The following NEK10 variants were observed in gnomAD, a reference collection of about 807,000 sequenced individuals.
The protein encoded by NEK10 is NIMA related kinase 10.
Under a neutral mutation model 159.8 loss-of-function variants are expected in NEK10, and 122 were observed. That is an observed-to-expected ratio of 0.76 (90% CI 0.66 to 0.89). The LOEUF (loss-of-function observed/expected upper bound fraction) is 0.89, where lower values mean the gene tolerates loss of function less well. Ranked by LOEUF, NEK10 falls within the 40% of genes least tolerant of loss-of-function variation. The probability of loss-of-function intolerance (pLI) is 0.00; values close to 1 mark genes in which losing one functional copy is unlikely to be tolerated. For missense variants in NEK10, 1,342 were observed against 1,323.1 expected, an observed-to-expected ratio of 1.01 and a Z score of -0.22; for synonymous variants, 466 against 457.1, an observed-to-expected ratio of 1.02 and a Z score of -0.25.
chr3:27,332,865 C>A (rs2046524289), intron 5 of NEK10, among the ~76,000 whole-genome samples: 1 of 152,198 alleles, frequency 6.6e-6, no homozygotes, highest in Non-Finnish European at 1.5e-5. Context: ...AACTCTACTA[C>A]ACACAAATGA....
intron 1 of NEK10, among the ~76,000 whole-genome samples, chr3:27,362,080 G>C (rs1416315045): frequency 6.6e-6 from 1 of 152,148 alleles, no homozygotes; most frequent in East Asian, 1.9e-4. Flanking sequence ...ATGTCCAAAT[G>C]AGATTATAAA....
intron 23 of NEK10, among the ~76,000 whole-genome samples, chr3:27,249,731 ATAAG>A (rs1364328956): frequency 6.6e-6 from 1 of 152,148 alleles, no homozygotes; most frequent in Admixed American, 6.5e-5. Flanking sequence ...GTTATTATTG[ATAAG>A]TAAGAACTTA....
At chr3:27,114,098 G>A (rs1940016368) in intron 35 of NEK10, among the ~76,000 whole-genome samples, 1 of 152,162 alleles carries the variant, frequency 6.6e-6, no homozygotes, top group Admixed American at 6.6e-5. Context: ...AATAGAGCCT[G>A]CTTTGGGAAG....
intron 22 of NEK10, among the ~76,000 whole-genome samples, chr3:27,281,444 G>A (rs1261349924): frequency 1.3e-5 from 2 of 151,858 alleles, no homozygotes; most frequent in African/African-American, 4.8e-5. Flanking sequence ...CATGTATCAA[G>A]AAATAGGCCT....
intron 26 of NEK10, among the ~76,000 whole-genome samples, chr3:27,178,543 C>A (rs539664188): frequency 6.6e-6 from 1 of 152,158 alleles, no homozygotes; most frequent in Non-Finnish European, 1.5e-5. Context: ...TTTAGTGCTA[C>A]CAGGTGCTAG....
chr3:27,197,641 T>A (rs1949673105), intron 25 of NEK10, among the ~76,000 whole-genome samples: 1 of 152,176 alleles, frequency 6.6e-6, no homozygotes, highest in East Asian at 1.9e-4. Context: ...TTCGCTGAAG[T>A]TGTTTATAAG....
At chr3:27,174,616 A>G (rs761440805) in intron 27 of NEK10, 34 bp downstream of exon 27, 1 of 1,598,918 alleles carries the variant, frequency 6.3e-7, no homozygotes, top group Non-Finnish European at 8.5e-7. Flanking sequence ...TGCCACTAGC[A>G]GTACCTACGT....
At chr3:27,226,624 G>C (rs1367106751) in intron 23 of NEK10, among the ~76,000 whole-genome samples, 2 of 152,188 alleles carry the variant, frequency 1.3e-5, no homozygotes, top group Non-Finnish European at 2.9e-5. Context: ...ATAGTGAACA[G>C]AGGCAAATTC....
At chr3:27,231,056 T>C (rs1953205262) in intron 23 of NEK10, among the ~76,000 whole-genome samples, 1 of 152,022 alleles carries the variant, frequency 6.6e-6, no homozygotes, top group African/African-American at 2.4e-5. Flanking sequence ...AACTGCAGAA[T>C]ATACATTCTT....
At chr3:27,266,955 C>T (rs1467645350) in intron 22 of NEK10, among the ~76,000 whole-genome samples, 1 of 152,134 alleles carries the variant, frequency 6.6e-6, no homozygotes, top group African/African-American at 2.4e-5. Flanking sequence ...GCAAGCACCC[C>T]AGCAGACAAC....
rs571994652 is a variant in NEK10 at position 27,290,274 on chromosome 3, C to T, written c.1743+343G>A. 2.6e-5 allele frequency among the ~76,000 whole-genome samples: 4 copies of T among 152,268 alleles called. No individual in the cohort carries two copies. The East Asian group carries it at 7.7e-4, about 29-fold the overall frequency. On this transcript the variant is annotated intron_variant, in intron 19 of 35. Transcript: ENST00000691995. ...TGGCAAAAGTCAAGAAACTCTTAGT[C>T]ATATTTCTATGTATGTAACTAAGTA... is the stretch of plus-strand genomic sequence containing the variant.
intron 3 of NEK10, among the ~76,000 whole-genome samples, chr3:27,351,798 A>C (rs2047989093): frequency 6.6e-6 from 1 of 152,014 alleles, no homozygotes; most frequent in Non-Finnish European, 1.5e-5. Context: ...TAAGGTGCTA[A>C]ATAAGTGTCT....
At chr3:27,222,279 G>C (rs968585092) in intron 23 of NEK10, among the ~76,000 whole-genome samples, 2 of 152,134 alleles carry the variant, frequency 1.3e-5, no homozygotes, top group African/African-American at 4.8e-5. Context: ...AGGCTGAGAC[G>C]GGAGAATTAC....
Position 27,304,804 on chromosome 3 carries a change from G to A in NEK10, c.971C>T (p.Thr324Ile), listed in dbSNP as rs1271558183. ...ILVQVCEDPETSVEIRIWGGI... is the reference protein window; with the variant it reads ...ILVQVCEDPEISVEIRIWGGI... The stretch of plus-strand genomic sequence containing the variant: ...TCCCCAAATGCGAATTTCCACGCTG[G>A]TCTCAGGGTCCTCACAAACCTGTAC... The change falls in exon 12 of 36, where the codon ACC becomes ATC. Residue 324 changes from threonine to isoleucine, a missense_variant. Thr to Ile is a moderately conservative substitution (Grantham distance 89, BLOSUM62 -1). Transcript: ENST00000691995. 6.2e-7 allele frequency: 1 copy of A among 1,613,908 alleles called. No homozygotes were observed. The highest frequency in any genetic ancestry group is 8.5e-7 in the Non-Finnish European group (1 of 1,179,862).
intron 1 of NEK10, among the ~76,000 whole-genome samples, chr3:27,356,474 C>T (rs1047302591): frequency 2.6e-5 from 4 of 152,126 alleles, no homozygotes; most frequent in African/African-American, 4.8e-5. Context: ...GGTGTTACTG[C>T]GTTCCAGCCT....
intron 7 of NEK10, among the ~76,000 whole-genome samples, chr3:27,312,738 A>C (rs1391628000): frequency 6.6e-6 from 1 of 152,184 alleles, no homozygotes; most frequent in Non-Finnish European, 1.5e-5. Context: ...TAATATTATA[A>C]TGGAAGTTAA....
At chr3:27,246,796 AT>A in intron 23 of NEK10, among the ~76,000 whole-genome samples, 1 of 152,106 alleles carries the variant, frequency 6.6e-6, no homozygotes, top group Admixed American at 6.5e-5. Context: ...TTCCCACACA[AT>A]TTTTAGTCCC....
intron 5 of NEK10, among the ~76,000 whole-genome samples, chr3:27,329,839 G>A (rs1559510949): frequency 6.6e-6 from 1 of 152,078 alleles, no homozygotes; most frequent in Non-Finnish European, 1.5e-5. Context: ...ATCAAATGAG[G>A]CTTAAGAAGG....
intron 23 of NEK10, among the ~76,000 whole-genome samples, chr3:27,226,825 G>A (rs7626646): frequency 2.0e-5 from 3 of 151,908 alleles, no homozygotes; most frequent in South Asian, 4.2e-4. Flanking sequence ...ATCCTTATCA[G>A]TTATACCACA....
Sources: allele counts gnomAD v4.1 joint callset (sites outside exome capture counted in the v4.1 genomes callset), GRCh38; gene constraint gnomAD v4.1.1; transcripts MANE v1.5; gene names NCBI Gene and HGNC (gene_info 2026-07-23, HGNC 2026-07-21).